CTNNA3: variants seen among roughly 807,000 people sequenced by gnomAD.
CTNNA3 encodes catenin alpha-3.
Under a neutral mutation model 95.7 loss-of-function variants are expected in CTNNA3, and 76 were observed. The ratio of observed to expected loss-of-function variants is 0.79; its 90% confidence interval spans 0.66 to 0.96. The LOEUF (loss-of-function observed/expected upper bound fraction) is 0.96, where lower values mean the gene tolerates loss of function less well. Ranked by LOEUF, CTNNA3 falls within the 40% of genes least tolerant of loss-of-function variation. The probability of loss-of-function intolerance (pLI) is 0.00; values close to 1 mark genes in which losing one functional copy is unlikely to be tolerated. For missense variants in CTNNA3, 1,191 were observed against 1,089.8 expected, an observed-to-expected ratio of 1.09 and a Z score of -1.31; for synonymous variants, 431 against 374.4, an observed-to-expected ratio of 1.15 and a Z score of -1.74.
intron 7 of CTNNA3, among the ~76,000 whole-genome samples, chr10:66,777,620 G>A (rs1840355569): frequency 6.6e-6 from 1 of 152,086 alleles, no homozygotes; most frequent in Non-Finnish European, 1.5e-5. Flanking sequence ...TGAGCTCTCA[G>A]ACAGTTTATA....
chr10:66,070,651 A>G (rs2080416183), intron 14 of CTNNA3, among the ~76,000 whole-genome samples: 1 of 152,160 alleles, frequency 6.6e-6, no homozygotes, highest in African/African-American at 2.4e-5. Flanking sequence ...GTGTATTCCA[A>G]GTTCAGTTAC....
chr10:66,427,754 A>G (rs2093255100), intron 11 of CTNNA3, among the ~76,000 whole-genome samples: 1 of 152,114 alleles, frequency 6.6e-6, no homozygotes, highest in South Asian at 2.1e-4. Flanking sequence ...GGAAGGAAGT[A>G]CTAAATATGG....
At chr10:67,125,166 G>A (rs994657689) in intron 7 of CTNNA3, among the ~76,000 whole-genome samples, 1 of 152,040 alleles carries the variant, frequency 6.6e-6, no homozygotes, top group East Asian at 1.9e-4. Flanking sequence ...TATTTAATAC[G>A]TTTTTTCAAT....
chr10:67,690,728 AG>A (rs1554876575), intron 1 of CTNNA3, among the ~76,000 whole-genome samples: 1 of 152,178 alleles, frequency 6.6e-6, no homozygotes, highest in Non-Finnish European at 1.5e-5. Flanking sequence ...ACCTCTCAAG[AG>A]GAGATAAATG....
At chr10:67,010,408 C>G (rs1282727979) in intron 7 of CTNNA3, among the ~76,000 whole-genome samples, 2 of 151,982 alleles carry the variant, frequency 1.3e-5, no homozygotes, top group African/African-American at 4.8e-5. Flanking sequence ...AATAAAAAGT[C>G]AGGAAGTAGT....
intron 3 of CTNNA3, among the ~76,000 whole-genome samples, chr10:67,599,873 A>G (rs150478461): frequency 6.6e-6 from 1 of 152,242 alleles, no homozygotes; most frequent in East Asian, 1.9e-4. Flanking sequence ...AAAATTAACA[A>G]GCTAATTCTA....
At position 65,916,310 on chromosome 10, in the gene CTNNA3, C is replaced by T. The variant is rs966234108; in HGVS notation, c.*4020G>A. 2.0e-5 allele frequency: 3 copies of T among 151,976 alleles called. No individual in the cohort carries two copies. Among genetic ancestry groups the T allele is most frequent in the Non-Finnish European group, 2.9e-5 (2 of 67,994 alleles). The allele number at this position is 151,976 out of a possible 1,614,324, so 9.4% of individuals were successfully genotyped here. ...CCTAAATATACAATAGGCAGGCTGT[C>T]TTGGCAAAAAATAGGCCAACAAAAG... On this transcript the variant is annotated 3_prime_UTR_variant, in exon 18 of 18. Transcript: ENST00000433211.
chr10:67,375,243 T>C (rs552255481), intron 5 of CTNNA3, among the ~76,000 whole-genome samples: 3 of 152,318 alleles, frequency 2.0e-5, no homozygotes, highest in South Asian at 2.1e-4. Context: ...ACTCTTCCTA[T>C]ATAACATTCA....
chr10:66,088,485 T>TTTTGTGTGTG (rs974682820), intron 14 of CTNNA3, among the ~76,000 whole-genome samples: 1 of 139,568 alleles, frequency 7.2e-6, no homozygotes, highest in Non-Finnish European at 1.5e-5. Flanking sequence ...GGTAGGTGTT[T>TTTTGTGTGTG]TGTGTGTGTG....
chr10:67,224,357 CG>C (rs1395776910), intron 5 of CTNNA3, among the ~76,000 whole-genome samples: 2 of 152,080 alleles, frequency 1.3e-5, no homozygotes, highest in African/African-American at 4.8e-5. Context: ...CTTTCTGTGC[CG>C]GGCTTATTTG....
intron 10 of CTNNA3, among the ~76,000 whole-genome samples, chr10:66,620,763 T>C (rs1302600808): frequency 6.6e-6 from 1 of 152,172 alleles, no homozygotes; most frequent in Non-Finnish European, 1.5e-5. Flanking sequence ...AGCAGTTTCC[T>C]TCACAGTTTC....
At chr10:66,791,462 C>T (rs146854208) in intron 7 of CTNNA3, among the ~76,000 whole-genome samples, 3 of 152,296 alleles carry the variant, frequency 2.0e-5, no homozygotes, top group African/African-American at 7.2e-5. Flanking sequence ...ATATTCTTAT[C>T]CTGGTTATTT....
At chr10:67,339,541 T>C (rs1842106359) in intron 5 of CTNNA3, among the ~76,000 whole-genome samples, 1 of 152,172 alleles carries the variant, frequency 6.6e-6, no homozygotes, top group African/African-American at 2.4e-5. Context: ...ACTCCGGTAT[T>C]CCATAAAATA....
chr10:67,235,997 A>C (rs1390957824), intron 5 of CTNNA3, among the ~76,000 whole-genome samples: 2 of 147,002 alleles, frequency 1.4e-5, no homozygotes, highest in Admixed American at 1.3e-4. Flanking sequence ...CAGTCATTAA[A>C]AAGTCAGGAA....
At chr10:66,352,312 G>T (rs1465077873) in intron 12 of CTNNA3, among the ~76,000 whole-genome samples, 1 of 152,020 alleles carries the variant, frequency 6.6e-6, no homozygotes, top group Non-Finnish European at 1.5e-5. Context: ...CTTTAGTGGG[G>T]AAGGAACATA....
chr10:66,059,583 C>G (rs574990119), intron 15 of CTNNA3, among the ~76,000 whole-genome samples: 13 of 152,174 alleles, frequency 8.5e-5, no homozygotes, highest in African/African-American at 3.1e-4. Context: ...GTCTGCTTTG[C>G]TGCCCATCTC....
intron 5 of CTNNA3, among the ~76,000 whole-genome samples, chr10:67,385,786 C>T (rs1324444156): frequency 6.7e-6 from 1 of 149,718 alleles, no homozygotes. Context: ...GAGGGTTTGG[C>T]AGCCAGTGTG....
chr10:67,685,932 GTCTA>G (rs1333197519), intron 1 of CTNNA3, among the ~76,000 whole-genome samples: 1 of 151,328 alleles, frequency 6.6e-6, no homozygotes, highest in Non-Finnish European at 1.5e-5. Flanking sequence ...CCTTCTCTTT[GTCTA>G]TCTGTTTCTT....
At chr10:66,052,919 G>A (rs1048763805) in intron 15 of CTNNA3, among the ~76,000 whole-genome samples, 1 of 152,120 alleles carries the variant, frequency 6.6e-6, no homozygotes. Flanking sequence ...ATTTTTTTTG[G>A]AGAGAGACAG....
Sources: allele counts gnomAD v4.1 joint callset (sites outside exome capture counted in the v4.1 genomes callset), GRCh38; gene constraint gnomAD v4.1.1; transcripts MANE v1.5; gene names NCBI Gene and HGNC (gene_info 2026-07-23, HGNC 2026-07-21).